ARID5B: variants seen among roughly 807,000 people sequenced by gnomAD.
The protein encoded by ARID5B is AT-rich interactive domain-containing protein 5B.
In ARID5B, 13 loss-of-function variants were observed where a neutral mutation model predicts 97.2. The observed-to-expected ratio is 0.13, with a 90% CI of 0.09 to 0.21. The LOEUF (loss-of-function observed/expected upper bound fraction) is 0.21. ARID5B is among the 10% of genes least tolerant of loss of function. The pLI, the probability that ARID5B is intolerant of heterozygous loss-of-function variation, is 1.00. For synonymous variants in ARID5B, 556 were observed against 570.3 expected (o/e 0.97, Z 0.36); for missense variants, 1,210 against 1,465.3 (o/e 0.83, Z 2.84).
intron 5 of ARID5B, among the ~76,000 whole-genome samples, chr10:62,053,860 G>A (rs117493168): frequency 3.3e-5 from 5 of 152,000 alleles, no homozygotes; most frequent in African/African-American, 1.2e-4. Flanking sequence ...CTCTCATTTG[G>A]TCCTCAGAAC....
chr10:61,975,839 G>A (rs546328411), intron 3 of ARID5B, among the ~76,000 whole-genome samples: 2 of 152,190 alleles, frequency 1.3e-5, no homozygotes, highest in South Asian at 2.1e-4. Flanking sequence ...AATAATTTTT[G>A]TATATTAATA....
chr10:61,975,480 G>GGAGTTAGAAAA (rs1838686147), intron 3 of ARID5B, among the ~76,000 whole-genome samples: 1 of 152,108 alleles, frequency 6.6e-6, no homozygotes, highest in Non-Finnish European at 1.5e-5. Context: ...TAGAAAGCCT[G>GGAGTTAGAAAA]AGGCCAGATG....
At chr10:61,914,891 C>T (rs1047549268) in intron 2 of ARID5B, among the ~76,000 whole-genome samples, 2 of 152,192 alleles carry the variant, frequency 1.3e-5, no homozygotes, top group Non-Finnish European at 2.9e-5. Context: ...ACTCAAGAGT[C>T]GGGATTGAAA....
intron 2 of ARID5B, among the ~76,000 whole-genome samples, chr10:61,913,936 A>G (rs1843853134): frequency 6.6e-6 from 1 of 152,184 alleles, no homozygotes. Context: ...TTTTTAATAG[A>G]GACGGGGTTT....
chr10:61,932,916 T>A (rs562563115), intron 2 of ARID5B, among the ~76,000 whole-genome samples: 1 of 152,132 alleles, frequency 6.6e-6, no homozygotes, highest in Admixed American at 6.5e-5. Flanking sequence ...AGCAACACAG[T>A]GAAACTCCTC....
chr10:61,969,211 C>G (rs940434540), intron 3 of ARID5B, among the ~76,000 whole-genome samples: 6 of 152,264 alleles, frequency 3.9e-5, no homozygotes, highest in African/African-American at 1.4e-4. Context: ...AATGGCATTA[C>G]TTCTCATATT....
intron 2 of ARID5B, among the ~76,000 whole-genome samples, chr10:61,912,299 T>C (rs1843818792): frequency 6.6e-6 from 1 of 152,206 alleles, no homozygotes; most frequent in East Asian, 1.9e-4. Flanking sequence ...AAACTTTTAG[T>C]TATAAGATAT....
chr10:62,031,904 A>T (rs1167159838), intron 4 of ARID5B, among the ~76,000 whole-genome samples: 2 of 152,174 alleles, frequency 1.3e-5, no homozygotes, highest in Admixed American at 1.3e-4. Flanking sequence ...ATGCGAGCTA[A>T]ACAAGCTATA....
chr10:62,070,391 G>T (rs1465090004), intron 8 of ARID5B, among the ~76,000 whole-genome samples: 1 of 152,192 alleles, frequency 6.6e-6, no homozygotes, highest in Non-Finnish European at 1.5e-5. Context: ...ATCCACAGGA[G>T]TGGATTTCCC....
At chr10:61,921,759 G>A (rs145853437) in intron 2 of ARID5B, among the ~76,000 whole-genome samples, 417 of 152,278 alleles carry the variant, frequency 2.7e-3, no homozygotes, top group Middle Eastern at 0.01. Context: ...TCACTTCAGT[G>A]TACAGCTCAT....
At chr10:62,013,545 C>T (rs1839243860) in intron 4 of ARID5B, among the ~76,000 whole-genome samples, 1 of 151,932 alleles carries the variant, frequency 6.6e-6, no homozygotes, top group African/African-American at 2.4e-5. Context: ...TCTTATGTAA[C>T]TGAAATTATG....
intron 2 of ARID5B, among the ~76,000 whole-genome samples, chr10:61,918,726 A>G (rs1421790366): frequency 4.6e-5 from 7 of 152,116 alleles, no homozygotes; most frequent in Non-Finnish European, 1.0e-4. Flanking sequence ...ATTCTGTTCC[A>G]TGTAGATGTT....
chr10:61,995,540 T>A (rs2132861371), intron 3 of ARID5B, among the ~76,000 whole-genome samples: 1 of 152,310 alleles, frequency 6.6e-6, no homozygotes, highest in South Asian at 2.1e-4. Context: ...GAGGCAGTTT[T>A]AGGATCACAG....
intron 2 of ARID5B, among the ~76,000 whole-genome samples, chr10:61,930,492 G>A (rs574755942): frequency 1.2e-4 from 18 of 152,068 alleles, no homozygotes; most frequent in Non-Finnish European, 1.9e-4. Flanking sequence ...AGGGCGAGGC[G>A]GGCGGATCAT....
chr10:62,090,814 T>C, intron 9 of ARID5B, 48 bp from the exon 10 acceptor site: 1 of 1,518,712 alleles, frequency 6.6e-7, no homozygotes, highest in Non-Finnish European at 8.8e-7. Context: ...GCAAAACATG[T>C]CTGTGTATTT....
intron 4 of ARID5B, among the ~76,000 whole-genome samples, chr10:62,013,062 A>G (rs576334649): frequency 1.3e-5 from 2 of 152,330 alleles, no homozygotes; most frequent in East Asian, 3.9e-4. Flanking sequence ...AAATCAGATA[A>G]TCAGAGCCTG....
intron 3 of ARID5B, among the ~76,000 whole-genome samples, chr10:61,994,479 C>T (rs1212195954): frequency 6.6e-6 from 1 of 152,170 alleles, no homozygotes; most frequent in African/African-American, 2.4e-5. Flanking sequence ...CAAAAAATAG[C>T]ATTATGGATA....
chr10:62,041,661 C>T (rs757723753), intron 4 of ARID5B, among the ~76,000 whole-genome samples: 1 of 152,186 alleles, frequency 6.6e-6, no homozygotes, highest in Non-Finnish European at 1.5e-5. Context: ...TGTTAATCCA[C>T]ATACACACCA....
At chr10:62,035,258 TAACA>T (rs950249167) in intron 4 of ARID5B, among the ~76,000 whole-genome samples, 11 of 152,202 alleles carry the variant, frequency 7.2e-5, no homozygotes, top group Non-Finnish European at 1.6e-4. Context: ...CAGTGCAGTT[TAACA>T]AACATTTACC....
Sources: allele counts gnomAD v4.1 joint callset (sites outside exome capture counted in the v4.1 genomes callset), GRCh38; gene constraint gnomAD v4.1.1; transcripts MANE v1.5; gene names NCBI Gene and HGNC (gene_info 2026-07-23, HGNC 2026-07-21).